The following ZNG1A variants were observed in gnomAD, a reference collection of about 807,000 sequenced individuals.
ZNG1A encodes Zn regulated GTPase metalloprotein activator 1A, also known as zinc-regulated GTPase metalloprotein activator 1A.
At chr9:164,497 CA>C in the ZNG1A span, 2 of 136,610 alleles carry the variant, frequency 1.5e-5, no homozygotes, top group Non-Finnish European at 3.0e-5. Context: ...ATCACTTGCC[CA>C]AAAAAAATTT....
chr9:136,066 G>A, the ZNG1A span, among the ~76,000 whole-genome samples: 11 of 75,012 alleles, frequency 1.5e-4, 1 homozygote, highest in Non-Finnish European at 3.3e-4. Context: ...ATTTAATGTT[G>A]TTGGACAATG....
At chr9:138,979 C>T in the ZNG1A span, among the ~76,000 whole-genome samples, 1 of 149,048 alleles carries the variant, frequency 6.7e-6, no homozygotes, top group Non-Finnish European at 1.5e-5. Flanking sequence ...CCCACTATGC[C>T]TACCCTTAAG....
chr9:166,594 C>A, the ZNG1A span: 3 of 152,626 alleles, frequency 2.0e-5, no homozygotes, highest in African/African-American at 7.2e-5. Context: ...AAAGAAAATT[C>A]TCAACAACTT....
At chr9:173,832 G>C in the ZNG1A span, among the ~76,000 whole-genome samples, 1,780 of 152,096 alleles carry the variant, frequency 0.012, 23 homozygotes, top group African/African-American at 0.041. Flanking sequence ...TTCCCAATGA[G>C]TAAAAACCCT....
chr9:139,222 G>T, the ZNG1A span, among the ~76,000 whole-genome samples: 1 of 149,770 alleles, frequency 6.7e-6, no homozygotes, highest in African/African-American at 2.5e-5. Flanking sequence ...CAAAAACATG[G>T]ATGAACCTTG....
chr9:139,296 C>G, the ZNG1A span, among the ~76,000 whole-genome samples: 2 of 150,596 alleles, frequency 1.3e-5, no homozygotes, highest in African/African-American at 5.0e-5. Flanking sequence ...ATTCCACTTG[C>G]GTCAGGTAAT....
the ZNG1A span, among the ~76,000 whole-genome samples, chr9:173,923 G>A: frequency 2.6e-5 from 4 of 152,014 alleles, no homozygotes; most frequent in African/African-American, 7.3e-5. Context: ...CAAGGCGGGC[G>A]GATCACGAGG....
At chr9:149,033 G>C in the ZNG1A span, 14 of 147,492 alleles carry the variant, frequency 9.5e-5, no homozygotes, top group East Asian at 3.9e-4. Context: ...GCTCAGTCTT[G>C]AACTCTGGAA....
chr9:164,622 TC>T, the ZNG1A span, among the ~76,000 whole-genome samples: 1 of 149,074 alleles, frequency 6.7e-6, no homozygotes, highest in South Asian at 2.2e-4. Flanking sequence ...GAAAAATTTT[TC>T]CTAAATAATA....
chr9:163,505 T>C, the ZNG1A span, among the ~76,000 whole-genome samples: 315 of 152,126 alleles, frequency 2.1e-3, no homozygotes, highest in Non-Finnish European at 3.7e-3. Context: ...GGTTTTTTAA[T>C]CTATATGAAC....
At chr9:129,017 C>T in the ZNG1A span, among the ~76,000 whole-genome samples, 1 of 151,562 alleles carries the variant, frequency 6.6e-6, no homozygotes, top group African/African-American at 2.4e-5. Flanking sequence ...TGCACAGAGT[C>T]GGGAGATGTG....
the ZNG1A span, among the ~76,000 whole-genome samples, chr9:139,327 A>G: frequency 6.7e-6 from 1 of 150,190 alleles, no homozygotes; most frequent in Non-Finnish European, 1.5e-5. Context: ...AACCCCATAG[A>G]AAGAGTGTAG....
At chr9:142,196 T>C in the ZNG1A span, among the ~76,000 whole-genome samples, 45 of 147,560 alleles carry the variant, frequency 3.0e-4, 2 homozygotes, top group East Asian at 2.0e-3. Context: ...GCAGACCTAA[T>C]AGACATCTAC....
the ZNG1A span, chr9:177,602 C>T: frequency 6.5e-7 from 1 of 1,529,012 alleles, no homozygotes; most frequent in Non-Finnish European, 8.8e-7. Flanking sequence ...AACAGCGTTT[C>T]AAAAAGGGAA....
the ZNG1A span, among the ~76,000 whole-genome samples, chr9:130,438 A>G: frequency 1.5e-5 from 2 of 130,188 alleles, no homozygotes; most frequent in Non-Finnish European, 1.6e-5. Flanking sequence ...TTTTAACTTA[A>G]TAAATTTTTT....
At chr9:137,584 T>G in the ZNG1A span, among the ~76,000 whole-genome samples, 6 of 151,692 alleles carry the variant, frequency 4.0e-5, no homozygotes, top group African/African-American at 1.5e-4. Flanking sequence ...AACCTTGAAG[T>G]AAAAAGAAGA....
chr9:152,246 T>C, the ZNG1A span, among the ~76,000 whole-genome samples: 12 of 151,926 alleles, frequency 7.9e-5, no homozygotes, highest in South Asian at 6.2e-4. Flanking sequence ...TAAAAAATAA[T>C]TGTGATTTTC....
the ZNG1A span, among the ~76,000 whole-genome samples, chr9:157,138 G>T: frequency 7.7e-6 from 1 of 130,180 alleles, no homozygotes; most frequent in African/African-American, 3.0e-5. Flanking sequence ...TTATCATTTA[G>T]AAACCCATAC....
the ZNG1A span, among the ~76,000 whole-genome samples, chr9:133,828 C>T: frequency 0.15 from 22,684 of 151,622 alleles, 2,081 homozygotes; most frequent in East Asian, 0.4. Context: ...AGATTTTATA[C>T]GTAAGGAACG....
Sources: allele counts gnomAD v4.1 joint callset (sites outside exome capture counted in the v4.1 genomes callset), GRCh38; gene constraint gnomAD v4.1.1; transcripts MANE v1.5; gene names NCBI Gene and HGNC (gene_info 2026-07-23, HGNC 2026-07-21).